ADAM19: variants seen among roughly 807,000 people sequenced by gnomAD.
ADAM19 encodes the protein ADAM metallopeptidase domain 19.
A neutral mutation model predicts 114.7 loss-of-function variants in ADAM19; 65 were observed. The observed-to-expected ratio is 0.57, with a 90% CI of 0.46 to 0.70. The LOEUF is 0.70. ADAM19 is among the 30% of genes least tolerant of loss of function. The pLI, the probability that ADAM19 is intolerant of heterozygous loss-of-function variation, is 0.00. For missense variants in ADAM19, 1,063 were observed against 1,204.7 expected, an observed-to-expected ratio of 0.88 and a Z score of 1.74; for synonymous variants, 466 against 460.5, an observed-to-expected ratio of 1.01 and a Z score of -0.15.
At chr5:157,499,702 T>C (rs1755492755) in intron 12 of ADAM19, 40 bp from the exon 13 acceptor site, 4 of 1,391,972 alleles carry the variant, frequency 2.9e-6, no homozygotes. Flanking sequence ...GGGGAGGGCC[T>C]TCACCACCCC....
At position 157,536,390 on chromosome 5, in the gene ADAM19, G is replaced by T. The variant is rs182483522; in HGVS notation, c.330+1523C>A. Reference sequence around the variant, plus strand: ...TGCCTATAATCCCAGCACTTTGGGAGGCCAAGGTGGGCAGATCACCTGAGG... The same window carrying T: ...TGCCTATAATCCCAGCACTTTGGGATGCCAAGGTGGGCAGATCACCTGAGG... On this transcript the variant is annotated intron_variant, in intron 4 of 22. Coordinates refer to ENST00000257527, the MANE Select transcript of ADAM19 (RefSeq NM_033274.5). Among the ~76,000 whole-genome samples, 567 of 152,266 alleles carry T rather than the reference G, an allele frequency of 3.7e-3. 5 individuals are homozygous for T. The highest frequency in any genetic ancestry group is 0.013 in the African/African-American group (544 of 41,536).
chr5:157,490,043 G>T (rs1198711303), intron 19 of ADAM19, among the ~76,000 whole-genome samples: 1 of 152,144 alleles, frequency 6.6e-6, no homozygotes, highest in Non-Finnish European at 1.5e-5. Context: ...ATGGCAAATA[G>T]ATTTTATTTT....
chr5:157,481,982 G>A (rs753421480), intron 21 of ADAM19, 39 bp from the exon 22 acceptor site: 1 of 1,495,710 alleles, frequency 6.7e-7, no homozygotes, highest in Non-Finnish European at 9.0e-7. Flanking sequence ...AAGGCCAGAG[G>A]CCTGTTTGAA....
chr5:157,507,228 T>G, intron 9 of ADAM19, 88 bp from the exon 10 acceptor site: 369 of 1,332,078 alleles, frequency 2.8e-4, no homozygotes, highest in Non-Finnish European at 3.6e-4. Context: ...ATCACGGGGT[T>G]CCCTGGACCC....
Position 157,477,812 on chromosome 5 carries a change from T to G in ADAM19, c.*3137A>C. The G allele has an allele frequency of 9.6e-7, 1 of 1,038,580 alleles. No individual in the cohort carries two copies. Among genetic ancestry groups the G allele is most frequent in the Admixed American group, 2.3e-5 (1 of 42,950 alleles). The allele number at this position is 1,038,580 out of a possible 1,614,324, so 64.3% of individuals were successfully genotyped here. A position where few individuals can be genotyped will look rare whatever the true frequency, so the allele number is the denominator to read the frequency against. The stretch of plus-strand genomic sequence containing the variant: ...GATTGGAAAGGCGTATTGCAGGAGG[T>G]GGGGAGGGGCTATTGCTTCAGGGGG... On this transcript the variant is annotated 3_prime_UTR_variant, in exon 23 of 23. Transcript: ENST00000257527.
At chr5:157,519,351 G>T (rs1052301522) in intron 6 of ADAM19, among the ~76,000 whole-genome samples, 1 of 152,118 alleles carries the variant, frequency 6.6e-6, no homozygotes, top group Admixed American at 6.5e-5. Context: ...CTGAGGCAGG[G>T]TCTCGCTCTG....
chr5:157,481,247 G>A (rs1581280199), intron 22 of ADAM19: 1 of 602,550 alleles, frequency 1.7e-6, no homozygotes, highest in Non-Finnish European at 2.9e-6. Flanking sequence ...TGCTAAGGCA[G>A]CAGCACAGTC....
At chr5:157,562,512 A>G (rs1757535019) in intron 3 of ADAM19, among the ~76,000 whole-genome samples, 1 of 152,122 alleles carries the variant, frequency 6.6e-6, no homozygotes, top group South Asian at 2.1e-4. Context: ...TTATCCTCAC[A>G]ACCATCCCAC....
chr5:157,496,904 C>G lies in ADAM19; in HGVS notation c.1584G>C (p.Leu528=). 1 of 1,580,188 alleles carries G rather than the reference C, an allele frequency of 6.3e-7. No homozygotes were observed. Residue 528 remains leucine, a synonymous_variant, in exon 14 of 23, where the codon CTG becomes CTC. Coordinates refer to ENST00000257527, the MANE Select transcript of ADAM19 (RefSeq NM_033274.5). ...CLTYQEQCQQ[L]WGPGARPAPD... ...CCAGGAGAGCCTTACCGGGTCCCCA[C>G]AGCTGCTGGCACTGCTCCTGGTAGG...
In ADAM19 at chr5:157,490,406, G is replaced by A. The variant is rs375055045; in HGVS notation, c.2144C>T (p.Ala715Val). 16 of 1,614,014 alleles carry A rather than the reference G, an allele frequency of 9.9e-6. No homozygotes were observed. In the African/African-American group the frequency reaches 1.1e-4, roughly 11 times the overall value. Residue 715 changes from alanine (A) to valine (V), a missense_variant, in exon 19 of 23, where the codon GCG (alanine) becomes GTG (valine). Around this residue, in one of 3 missense-constraint regions of ADAM19, gnomAD observed 424 missense variants for 445.5 expected, o/e 0.95. Coordinates refer to ENST00000257527, the MANE Select transcript of ADAM19 (RefSeq NM_033274.5). ...AGVLVAILVL[A>V]VLMLMYYCCR... is the part of the protein sequence containing the mutation. ...GCAGTAGTACATCAGCATGAGGACC[G>A]CCAGCACCAAGATGGCCACCAACAC...
At chr5:157,538,032 G>C (rs1436353966) in intron 3 of ADAM19, 41 bp from the exon 4 acceptor site, 1 of 1,492,652 alleles carries the variant, frequency 6.7e-7, no homozygotes, top group Non-Finnish European at 9.3e-7. Flanking sequence ...ATAAGTGGAT[G>C]AACTCCACCC....
chr5:157,497,557 C>T (rs1024787303), intron 13 of ADAM19, among the ~76,000 whole-genome samples: 2 of 125,250 alleles, frequency 1.6e-5, no homozygotes, highest in Non-Finnish European at 3.3e-5. Flanking sequence ...GGCAGAGGAG[C>T]CAGGCCCACT....
intron 5 of ADAM19, among the ~76,000 whole-genome samples, chr5:157,521,827 A>C (rs1756298150): frequency 6.6e-6 from 1 of 152,152 alleles, no homozygotes; most frequent in Non-Finnish European, 1.5e-5. Flanking sequence ...TCAGCCAACC[A>C]AGGCCTCTCC....
intron 2 of ADAM19, among the ~76,000 whole-genome samples, chr5:157,564,998 A>T (rs1757616703): frequency 6.6e-6 from 1 of 152,174 alleles, no homozygotes; most frequent in Admixed American, 6.5e-5. Flanking sequence ...TCCTCTTCGT[A>T]GTGGGTTCTT....
chr5:157,546,078 G>A (rs1294757592), intron 3 of ADAM19, among the ~76,000 whole-genome samples: 13 of 152,368 alleles, frequency 8.5e-5, no homozygotes, highest in South Asian at 8.3e-4. Flanking sequence ...AGCAGCCAGT[G>A]AGGCAGGCCT....
intron 3 of ADAM19, among the ~76,000 whole-genome samples, chr5:157,545,478 A>C (rs1214560065): frequency 3.9e-5 from 6 of 152,178 alleles, no homozygotes; most frequent in Non-Finnish European, 8.8e-5. Context: ...CTAGGATCTC[A>C]ACCTTTCCAA....
At chr5:157,540,988 A>T (rs79258836) in intron 3 of ADAM19, among the ~76,000 whole-genome samples, 372 of 152,220 alleles carry the variant, frequency 2.4e-3, no homozygotes, top group African/African-American at 8.6e-3. Flanking sequence ...CTCCACCCAG[A>T]CTCATGAATC....
chr5:157,487,314 C>T (rs983727278), intron 21 of ADAM19, among the ~76,000 whole-genome samples: 3 of 152,154 alleles, frequency 2.0e-5, no homozygotes, highest in African/African-American at 7.2e-5. Flanking sequence ...AGCAGTTTCA[C>T]AGCAGAGAAA....
rs893393080 is a variant in ADAM19 at position 157,491,651 on chromosome 5, C to T, written c.2059G>A (p.Gly687Arg). 7.1e-6 allele frequency: 11 copies of T among 1,558,234 alleles called. No individual in the cohort carries two copies. Among genetic ancestry groups the T allele is most frequent in the Non-Finnish European group, 7.8e-6 (9 of 1,151,144 alleles). The change falls in exon 18 of 23, where the codon GGG (glycine) becomes AGG (arginine). Residue 687 changes from glycine to arginine, a missense_variant. This residue lies in a region of ADAM19 where 424 missense variants were observed against 445.5 expected (regional missense o/e 0.95). Transcript: ENST00000257527. ...ATAGGCCCACTGTCGATACTGCCCCCGTGGCCCGGTGTGTTGCAGAAGGGC... is the reference window on the plus strand; with the variant it reads ...ATAGGCCCACTGTCGATACTGCCCCTGTGGCCCGGTGTGTTGCAGAAGGGC... ...APPFCNTPGH[G>R]GSIDSGPMPP...
Sources: gnomAD v4.1 joint callset for allele counts (sites outside exome capture counted in the v4.1 genomes callset) on GRCh38, gnomAD v4.1.1 for gene constraint, gnomAD v4.1.1 regional missense constraint, MANE v1.5 for transcripts, NCBI Gene and HGNC (gene_info 2026-07-23, HGNC 2026-07-21) for gene names.